Variants in OSBPL10 observed in about 807,000 individuals in gnomAD.
OSBPL10 encodes the protein oxysterol binding protein like 10.
OSBPL10 carries 49 observed loss-of-function variants against 81.7 expected under a neutral mutation model. The ratio of observed to expected loss-of-function variants is 0.60; its 90% CI spans 0.48 to 0.76. OSBPL10 has a LOEUF of 0.76. OSBPL10 is among the 30% of genes least tolerant of loss of function. The pLI is 0.00. For synonymous variants in OSBPL10, 419 were observed against 383.6 expected, an observed-to-expected ratio of 1.09 and a Z score of -1.08; for missense variants, 923 against 987.8, an observed-to-expected ratio of 0.93 and a Z score of 0.88.
chr3:31,717,162 C>A (rs962483039), intron 6 of OSBPL10: 5 of 152,208 alleles, frequency 3.3e-5, no homozygotes, highest in Non-Finnish European at 7.3e-5. Flanking sequence ...CCAGGCCACG[C>A]AGAAGGTACA....
intron 2 of OSBPL10, among the ~76,000 whole-genome samples, chr3:32,041,344 C>T (rs1699573370): frequency 6.6e-6 from 1 of 152,210 alleles, no homozygotes; most frequent in African/African-American, 2.4e-5. Flanking sequence ...TGCCGCAAAG[C>T]AGTAAAGACT....
chr3:32,026,796 G>C (rs1054601109), intron 2 of OSBPL10, among the ~76,000 whole-genome samples: 2 of 152,194 alleles, frequency 1.3e-5, no homozygotes, highest in Non-Finnish European at 2.9e-5. Context: ...CTAAGCTGAG[G>C]AAACGGGCAT....
intron 2 of OSBPL10, among the ~76,000 whole-genome samples, chr3:32,014,030 G>A (rs1234729732): frequency 6.6e-6 from 1 of 152,132 alleles, no homozygotes; most frequent in African/African-American, 2.4e-5. Flanking sequence ...GGAGGAGCTG[G>A]TACCATTCCT....
At chr3:31,772,799 G>C (rs1698420324) in intron 4 of OSBPL10, among the ~76,000 whole-genome samples, 1 of 152,194 alleles carries the variant, frequency 6.6e-6, no homozygotes. Flanking sequence ...ATACATGTTA[G>C]GAAGTAGGAG....
intron 2 of OSBPL10, among the ~76,000 whole-genome samples, chr3:32,026,056 A>ATAGATGAT (rs1553649783): frequency 9.6e-6 from 1 of 104,310 alleles, no homozygotes; most frequent in Non-Finnish European, 2.0e-5. Flanking sequence ...AGATAGATAG[A>ATAGATGAT]TGATAGATAG....
rs1026250814 is a variant in OSBPL10, at chr3:31,943,864, A to T, written c.281+37035T>A. Among the ~76,000 whole-genome samples the T allele has an allele frequency of 1.3e-5, 2 of 148,964 alleles. 1 individual carries two copies. Among genetic ancestry groups the T allele is most frequent in the Admixed American group, 1.4e-4 (2 of 14,764 alleles). On this transcript the variant is annotated intron_variant, in intron 1 of 11. Coordinates refer to ENST00000396556, the MANE Select transcript of OSBPL10 (RefSeq NM_017784.5). ...GCACCTGTAGTCCCAGCTACTCAGGAGGCTGAAGCAGCAGAATCACTTGAA... is the reference window on the plus strand; with the variant it reads ...GCACCTGTAGTCCCAGCTACTCAGGTGGCTGAAGCAGCAGAATCACTTGAA...
At chr3:31,871,863 AAC>A (rs146056634) in intron 3 of OSBPL10, among the ~76,000 whole-genome samples, 47 of 151,860 alleles carry the variant, frequency 3.1e-4, no homozygotes, top group African/African-American at 1.1e-3. Context: ...CCTGTCTCAA[AAC>A]ACACACACAC....
intron 4 of OSBPL10, among the ~76,000 whole-genome samples, chr3:31,775,508 G>T (rs199646366): frequency 2.9e-5 from 1 of 34,380 alleles, no homozygotes; most frequent in South Asian, 2.1e-3. Flanking sequence ...GAAATTTTTA[G>T]TAATGTTAAA....
intron 4 of OSBPL10, among the ~76,000 whole-genome samples, chr3:31,789,614 C>A (rs906258463): frequency 6.6e-6 from 1 of 152,102 alleles, no homozygotes; most frequent in Non-Finnish European, 1.5e-5. Context: ...GGGGCACTGC[C>A]TCAAGAAAGA....
chr3:31,914,591 T>G (rs1696693690), intron 1 of OSBPL10, among the ~76,000 whole-genome samples: 1 of 152,156 alleles, frequency 6.6e-6, no homozygotes, highest in Non-Finnish European at 1.5e-5. Flanking sequence ...TCCCAGTATA[T>G]GGAATTATTT....
intron 4 of OSBPL10, among the ~76,000 whole-genome samples, chr3:31,802,101 G>T (rs1368101809): frequency 2.0e-5 from 3 of 147,772 alleles, no homozygotes; most frequent in African/African-American, 7.5e-5. Flanking sequence ...GGGATTACAG[G>T]CACGAGCCAC....
At chr3:31,844,234 C>T (rs1043474142) in intron 3 of OSBPL10, among the ~76,000 whole-genome samples, 1 of 152,110 alleles carries the variant, frequency 6.6e-6, no homozygotes, top group African/African-American at 2.4e-5. Flanking sequence ...TGGTTCCAAC[C>T]GTGAACTGCC....
rs201339727 is a variant in OSBPL10, at chr3:31,958,738, TCTAAA to T, written c.281+22156_281+22160del. 6.8e-3 allele frequency among the ~76,000 whole-genome samples: 1,040 copies of T among 152,284 alleles called. 8 individuals are homozygous for T. Among genetic ancestry groups the T allele is most frequent in the African/African-American group, 0.024 (1,001 of 41,564 alleles). ...GTTTCGGCTTTGTGTTCCAAAAGCC[TCTAAA>T]CTAGAGAACAGGCCTTTGAGCCAAA... On this transcript the variant is annotated intron_variant, in intron 1 of 11. Transcript: ENST00000396556.
intron 4 of OSBPL10, among the ~76,000 whole-genome samples, chr3:31,805,898 T>A (rs1306754084): frequency 1.3e-5 from 2 of 152,214 alleles, no homozygotes; most frequent in Non-Finnish European, 2.9e-5. Context: ...TGCTGACAAC[T>A]TATTAAGTAC....
intron 4 of OSBPL10, 92 bp from the exon 5 acceptor site, chr3:31,748,212 C>T: frequency 5.4e-6 from 6 of 1,115,662 alleles, no homozygotes; most frequent in Non-Finnish European, 6.6e-6. Flanking sequence ...GTGGGTAAAA[C>T]TAGGTGAGGG....
intron 1 of OSBPL10, among the ~76,000 whole-genome samples, chr3:31,974,720 T>C (rs1474975365): frequency 6.6e-6 from 1 of 152,130 alleles, no homozygotes; most frequent in Non-Finnish European, 1.5e-5. Context: ...AGTTACCGTA[T>C]GCGGGGAGAT....
intron 4 of OSBPL10, among the ~76,000 whole-genome samples, chr3:31,768,670 C>A (rs539277595): frequency 6.6e-6 from 1 of 152,346 alleles, no homozygotes; most frequent in East Asian, 1.9e-4. Flanking sequence ...GAAATGCTCA[C>A]TGGCTCCCTT....
At chr3:31,751,044 G>A (rs58203061) in intron 4 of OSBPL10, among the ~76,000 whole-genome samples, 8,975 of 152,052 alleles carry the variant, frequency 0.059, 828 homozygotes, top group African/African-American at 0.2. Context: ...GGTGGTTCAC[G>A]CCTGTAATCC....
At chr3:32,012,202 G>C (rs553236597) in intron 2 of OSBPL10, among the ~76,000 whole-genome samples, 1 of 152,160 alleles carries the variant, frequency 6.6e-6, no homozygotes, top group Non-Finnish European at 1.5e-5. Context: ...AGAAAGGTCG[G>C]GTTACCACAA....
Sources: allele counts gnomAD v4.1 joint callset (sites outside exome capture counted in the v4.1 genomes callset), GRCh38; gene constraint gnomAD v4.1.1; transcripts MANE v1.5; gene names NCBI Gene and HGNC (gene_info 2026-07-23, HGNC 2026-07-21).